Variants in NCAN observed in about 807,000 individuals in gnomAD.
NCAN encodes neurocan.
A neutral mutation model predicts 121.8 loss-of-function variants in NCAN; 47 were observed. That is an observed-to-expected ratio of 0.39 (90% CI 0.31 to 0.49). NCAN has a LOEUF of 0.49. Among genes scored for constraint, NCAN ranks in the 20% least tolerant of loss-of-function variants. The probability of loss-of-function intolerance (pLI) is 0.92; values close to 1 mark genes in which losing one functional copy is unlikely to be tolerated. For missense variants in NCAN, 1,517 were observed against 1,773.4 expected (o/e 0.86, Z 2.60); for synonymous variants, 633 against 702.0 (o/e 0.90, Z 1.55).
chr19:19,242,610 A>G (rs1401745829), intron 12 of NCAN, among the ~76,000 whole-genome samples: 1 of 148,334 alleles, frequency 6.7e-6, no homozygotes, highest in Non-Finnish European at 1.5e-5. Flanking sequence ...AATCGCTTGA[A>G]CCTGGAAGGC....
At chr19:19,218,144 G>A (rs1327313754) in intron 2 of NCAN, among the ~76,000 whole-genome samples, 1 of 151,810 alleles carries the variant, frequency 6.6e-6, no homozygotes, top group African/African-American at 2.4e-5. Context: ...CAGGCGTGGT[G>A]GCACACACCT....
At chr19:19,233,462 C>G (rs150649058) in intron 8 of NCAN, among the ~76,000 whole-genome samples, 1 of 152,086 alleles carries the variant, frequency 6.6e-6, no homozygotes, top group Non-Finnish European at 1.5e-5. Context: ...AGGGAGGACA[C>G]TGAAGCCCAT....
intron 10 of NCAN, 107 bp downstream of exon 10, chr19:19,235,203 G>A (rs2060876616): frequency 3.2e-6 from 2 of 619,448 alleles, no homozygotes; most frequent in South Asian, 2.2e-5. Flanking sequence ...CCATGGCTGT[G>A]AGCCTGACAC....
At chr19:19,249,547 T>G (rs2060938832) in intron 14 of NCAN, among the ~76,000 whole-genome samples, 1 of 151,926 alleles carries the variant, frequency 6.6e-6, no homozygotes, top group Non-Finnish European at 1.5e-5. Flanking sequence ...TTTTTATTTT[T>G]GTAGAGATAG....
intron 2 of NCAN, among the ~76,000 whole-genome samples, chr19:19,218,158 A>G (rs1337762796): frequency 6.6e-6 from 1 of 151,744 alleles, no homozygotes; most frequent in Non-Finnish European, 1.5e-5. Context: ...CACACCTGTA[A>G]TCCCAGCTAC....
chr19:19,218,870 T>G, intron 2 of NCAN, 45 bp from the exon 3 acceptor site: 1 of 1,461,956 alleles, frequency 6.8e-7, no homozygotes, highest in Non-Finnish European at 9.1e-7. Context: ...CCCTGCTTGG[T>G]TCTTGCCTCT....
In NCAN at chr19:19,228,413, G is replaced by C. The variant is rs2060846079; in HGVS notation, c.2793G>C (p.Gly931=). The change falls in exon 8 of 15, where the codon GGG becomes GGC. Residue 931 remains glycine (G), a synonymous_variant. Coordinates refer to ENST00000252575, the MANE Select transcript of NCAN (RefSeq NM_004386.3). The stretch of plus-strand genomic sequence containing the variant: ...TAGGGAAACCGGCTGTTCCTCCTGG[G>C]ACACCGACTGCAGCCAGTGTGGGCG... The part of the protein sequence containing the change: ...SPLGKPAVPP[G]TPTAASVGES... 1 of 1,613,522 alleles carries C rather than the reference G, an allele frequency of 6.2e-7. No homozygotes were observed. Among genetic ancestry groups the C allele is most frequent in the African/African-American group, 1.3e-5 (1 of 74,936 alleles).
chr19:19,218,250 C>G (rs2060803105), intron 2 of NCAN, among the ~76,000 whole-genome samples: 1 of 151,724 alleles, frequency 6.6e-6, no homozygotes, highest in Non-Finnish European at 1.5e-5. Context: ...TGCACTCCAG[C>G]CTGGGAGATG....
chr19:19,221,664 T>C (rs2060817195), intron 3 of NCAN, among the ~76,000 whole-genome samples: 1 of 152,068 alleles, frequency 6.6e-6, no homozygotes, highest in African/African-American at 2.4e-5. Flanking sequence ...GGCAGGAGGA[T>C]TGCTTGAGCC....
At chr19:19,249,731 T>C in intron 14 of NCAN, 35 bp from the exon 15 acceptor site, 1 of 1,566,014 alleles carries the variant, frequency 6.4e-7, no homozygotes, top group Non-Finnish European at 8.6e-7. Flanking sequence ...TCACCACCTT[T>C]TGTCCCTTCC....
intron 12 of NCAN, among the ~76,000 whole-genome samples, chr19:19,241,613 G>T (rs1022036231): frequency 6.6e-6 from 1 of 151,722 alleles, no homozygotes; most frequent in South Asian, 2.1e-4. Context: ...GAGGCGGGAG[G>T]ATCACTTAAG....
rs990016029 is a variant in NCAN, at chr19:19,225,519, T to G, written c.1072+249T>G. Among the ~76,000 whole-genome samples, 1 of 152,200 alleles carries G rather than the reference T, an allele frequency of 6.6e-6. No individual in the cohort carries two copies. The highest frequency in any genetic ancestry group is 1.5e-5 in the Non-Finnish European group (1 of 68,032). On this transcript the variant is annotated intron_variant, in intron 6 of 14. Transcript: ENST00000252575. This position sits in a 1 kb window ranked among gnomAD's most constrained non-coding sequence, Gnocchi z 4.0. The stretch of plus-strand genomic sequence containing the variant: ...CACTCTGGTGGGGAGTCACCTTTGC[T>G]GGGTGGGCTGTATCTCCTGAGGTCC...
intron 13 of NCAN, among the ~76,000 whole-genome samples, chr19:19,245,859 A>G (rs1161039816): frequency 6.6e-6 from 1 of 151,928 alleles, no homozygotes; most frequent in Non-Finnish European, 1.5e-5. Context: ...GCCAGGGGCT[A>G]GGGTTTGGGA....
At chr19:19,237,300 G>A (rs1599819421) in intron 10 of NCAN, among the ~76,000 whole-genome samples, 1 of 152,110 alleles carries the variant, frequency 6.6e-6, no homozygotes, top group South Asian at 2.1e-4. Flanking sequence ...GACCATCCTG[G>A]CCAACATGGA....
Position 19,245,308 on chromosome 19 carries a change from T to C in NCAN, c.3493-5T>C. Reference sequence around the variant, plus strand: ...TGAACAACTCCCTGCCCCCTATTCCTGCAGCAATTTGAGAACTGGCGAGAG... The same window carrying C: ...TGAACAACTCCCTGCCCCCTATTCCCGCAGCAATTTGAGAACTGGCGAGAG... On this transcript the variant is annotated splice_polypyrimidine_tract_variant and splice_region_variant and intron_variant, in intron 12 of 14. Transcript: ENST00000252575. The C allele has an allele frequency of 6.2e-7, 1 of 1,613,892 alleles. No individual in the cohort carries two copies. The highest frequency in any genetic ancestry group is 8.5e-7 in the Non-Finnish European group (1 of 1,179,868).
chr19:19,236,234 G>T (rs1046194555), intron 10 of NCAN, among the ~76,000 whole-genome samples: 1 of 152,110 alleles, frequency 6.6e-6, no homozygotes, highest in African/African-American at 2.4e-5. Flanking sequence ...CTGTGGATTT[G>T]CCTGTTCTAG....
At chr19:19,246,805 G>T (rs1381510957) in intron 13 of NCAN, among the ~76,000 whole-genome samples, 2 of 152,112 alleles carry the variant, frequency 1.3e-5, no homozygotes, top group African/African-American at 4.8e-5. Context: ...GCCTCCCAAA[G>T]TTCTGGGGTT....
chr19:19,216,997 A>C lies in NCAN; in HGVS notation c.44A>C (p.Gln15Pro). 1 of 1,312,100 alleles carries C rather than the reference A, an allele frequency of 7.6e-7. No individual in the cohort carries two copies. Among genetic ancestry groups the C allele is most frequent in the Admixed American group, 3.1e-5 (1 of 32,730 alleles). 81.3% of individuals were successfully genotyped at this position (1,312,100 alleles called of 1,614,324 possible). Residue 15 changes from glutamine to proline, a missense_variant, in exon 2 of 15, where the codon CAG becomes CCG. Transcript: ENST00000252575. ...TGGGCCTTGGGCCTTTTGATGCTGC[A>C]GATGCTGCTCTTTGTGGCTGGGGAA... ...FVWALGLLML[Q>P]MLLFVAGEQG... is the part of the protein sequence containing the mutation.
At position 19,219,123 on chromosome 19, in the gene NCAN, G is replaced by T; in HGVS notation, c.282G>T (p.Leu94=). 6.2e-7 allele frequency: 1 copy of T among 1,613,484 alleles called. No homozygotes were observed. The highest frequency in any genetic ancestry group is 8.5e-7 in the Non-Finnish European group (1 of 1,179,656). ...GCCAGCGACAGGACTTGCCCATCCT[G>T]GTGGCCAAGGACAATGTCGTGAGGG... ...ASGQRQDLPI[L]VAKDNVVRVA... Residue 94 remains leucine, a synonymous_variant, in exon 3 of 15, where the codon CTG becomes CTT. Transcript: ENST00000252575.
Sources: gnomAD v4.1 joint callset for allele counts (sites outside exome capture counted in the v4.1 genomes callset) on GRCh38, gnomAD v4.1.1 for gene constraint, Gnocchi (gnomAD v3.1) non-coding constraint, MANE v1.5 for transcripts, NCBI Gene and HGNC (gene_info 2026-07-23, HGNC 2026-07-21) for gene names.